Variants in MAGI2 observed in about 807,000 individuals in gnomAD.
MAGI2 encodes the protein membrane associated guanylate kinase, WW and PDZ domain containing 2.
Under a neutral mutation model 133.3 loss-of-function variants are expected in MAGI2, and 35 were observed. That is an observed-to-expected ratio of 0.26 (90% CI 0.20 to 0.35). The LOEUF is 0.35. MAGI2 is among the 10% of genes least tolerant of loss of function. The pLI, the probability that MAGI2 is intolerant of heterozygous loss-of-function variation, is 1.00. For missense variants in MAGI2, 1,636 were observed against 1,863.4 expected, an observed-to-expected ratio of 0.88 and a Z score of 2.25; for synonymous variants, 729 against 710.6, an observed-to-expected ratio of 1.03 and a Z score of -0.41.
At chr7:78,656,683 T>C (rs1469160796) in intron 2 of MAGI2, among the ~76,000 whole-genome samples, 1 of 152,142 alleles carries the variant, frequency 6.6e-6, no homozygotes, top group East Asian at 1.9e-4. Flanking sequence ...AGCAAGGAGA[T>C]GAACATATTT....
chr7:78,522,454 C>A (rs1796586321), intron 3 of MAGI2, among the ~76,000 whole-genome samples: 1 of 152,216 alleles, frequency 6.6e-6, no homozygotes, highest in Non-Finnish European at 1.5e-5. Context: ...TCTTGGCGGA[C>A]TGATACCTCC....
chr7:78,030,890 A>G (rs1228388465), intron 21 of MAGI2, among the ~76,000 whole-genome samples: 2 of 152,230 alleles, frequency 1.3e-5, no homozygotes, highest in African/African-American at 2.4e-5. Flanking sequence ...TGAGTGAAAT[A>G]AAAACTGTGT....
chr7:79,417,916 C>A (rs1374113513), intron 1 of MAGI2, among the ~76,000 whole-genome samples: 1 of 151,998 alleles, frequency 6.6e-6, no homozygotes. Flanking sequence ...ATCAAAAATT[C>A]TAGGTAGCAA....
At chr7:78,882,224 A>G (rs1156997841) in intron 2 of MAGI2, among the ~76,000 whole-genome samples, 1 of 151,660 alleles carries the variant, frequency 6.6e-6, no homozygotes, top group African/African-American at 2.4e-5. Context: ...AATCTCAAGG[A>G]CTGTTATGAA....
At chr7:79,191,402 CTTTT>C (rs71095386) in intron 1 of MAGI2, among the ~76,000 whole-genome samples, 81 of 22,250 alleles carry the variant, frequency 3.6e-3, no homozygotes, top group African/African-American at 0.01. Flanking sequence ...CTTTTTCTTT[CTTTT>C]TTTTTTTTTT....
chr7:78,528,261 G>A (rs548723348), intron 3 of MAGI2, among the ~76,000 whole-genome samples: 12 of 152,126 alleles, frequency 7.9e-5, no homozygotes, highest in South Asian at 4.2e-4. Flanking sequence ...TGACTCTGAC[G>A]TTAAACAGAG....
intron 2 of MAGI2, among the ~76,000 whole-genome samples, chr7:78,689,760 T>G (rs981925828): frequency 1.4e-5 from 2 of 142,406 alleles, no homozygotes; most frequent in African/African-American, 2.6e-5. Flanking sequence ...TATCAGTAAT[T>G]CATTCCCTTT....
At chr7:78,781,095 A>C (rs967675782) in intron 2 of MAGI2, among the ~76,000 whole-genome samples, 36 of 152,278 alleles carry the variant, frequency 2.4e-4, no homozygotes, top group Admixed American at 8.5e-4. Flanking sequence ...CAGCAGAGGG[A>C]TGGCCGGGCA....
rs117609722 is a variant in MAGI2 at position 78,029,796 on chromosome 7, C to T, written c.3707-9820G>A. Reference sequence around the variant, plus strand: ...GAAAGGCAAGGAAGTCAGAGATTTGCTCACTAGCCTGTGTTTTTAAGTATT... The same window carrying T: ...GAAAGGCAAGGAAGTCAGAGATTTGTTCACTAGCCTGTGTTTTTAAGTATT... On this transcript the variant is annotated intron_variant, in intron 21 of 21. Transcript: ENST00000354212. Among the ~76,000 whole-genome samples the T allele has an allele frequency of 5.0e-3, 760 of 152,344 alleles. 7 individuals are homozygous for T. Among genetic ancestry groups the T allele is most frequent in the Non-Finnish European group, 8.4e-3 (569 of 68,038 alleles).
At chr7:78,056,423 G>C (rs552570351) in intron 21 of MAGI2, among the ~76,000 whole-genome samples, 3 of 152,230 alleles carry the variant, frequency 2.0e-5, no homozygotes, top group Non-Finnish European at 4.4e-5. Flanking sequence ...CAGCCTAAAT[G>C]CCCATCAATG....
chr7:78,860,059 G>A (rs368526732), intron 2 of MAGI2, among the ~76,000 whole-genome samples: 89 of 152,232 alleles, frequency 5.8e-4, no homozygotes, highest in African/African-American at 1.9e-3. Context: ...CATATGTCAC[G>A]TAGTTCTCGT....
At chr7:79,184,031 G>A (rs1826850706) in intron 1 of MAGI2, among the ~76,000 whole-genome samples, 1 of 151,630 alleles carries the variant, frequency 6.6e-6, no homozygotes, top group Non-Finnish European at 1.5e-5. Context: ...ACAATACAGA[G>A]TTCCAGTTAG....
At chr7:79,448,523 A>G (rs1312463347) in intron 1 of MAGI2, among the ~76,000 whole-genome samples, 1 of 152,072 alleles carries the variant, frequency 6.6e-6, no homozygotes. Flanking sequence ...CTTATCTAAT[A>G]TTCTTAAGGT....
At chr7:78,346,718 G>A (rs1158250350) in intron 7 of MAGI2, among the ~76,000 whole-genome samples, 1 of 152,186 alleles carries the variant, frequency 6.6e-6, no homozygotes, top group Non-Finnish European at 1.5e-5. Flanking sequence ...AGCAAACTGT[G>A]AATTTCTGTA....
intron 2 of MAGI2, among the ~76,000 whole-genome samples, chr7:78,797,820 C>A (rs1361224995): frequency 3.3e-5 from 5 of 152,048 alleles, no homozygotes; most frequent in Non-Finnish European, 7.4e-5. Flanking sequence ...AAAACTAGAA[C>A]CCTTAGAGAG....
chr7:79,337,066 C>T (rs1444390384), intron 1 of MAGI2, among the ~76,000 whole-genome samples: 1 of 151,504 alleles, frequency 6.6e-6, no homozygotes, highest in Non-Finnish European at 1.5e-5. Flanking sequence ...AATCATACTA[C>T]TATCTATATG....
At chr7:78,665,103 C>G (rs1380295030) in intron 2 of MAGI2, among the ~76,000 whole-genome samples, 4 of 152,078 alleles carry the variant, frequency 2.6e-5, no homozygotes, top group Admixed American at 1.3e-4. Flanking sequence ...ATTTTCAGCT[C>G]TTAAAAACAG....
At chr7:78,120,967 C>T (rs1054675897) in intron 20 of MAGI2, among the ~76,000 whole-genome samples, 3 of 135,524 alleles carry the variant, frequency 2.2e-5, no homozygotes, top group Non-Finnish European at 4.6e-5. Context: ...CGCCACTGCA[C>T]TCCAGCCTGG....
chr7:79,350,309 T>C (rs1490489714), intron 1 of MAGI2, among the ~76,000 whole-genome samples: 1 of 152,166 alleles, frequency 6.6e-6, no homozygotes, highest in East Asian at 1.9e-4. Flanking sequence ...TGTCTGGTAA[T>C]GATACAACAG....
Sources: gnomAD v4.1 joint callset for allele counts (sites outside exome capture counted in the v4.1 genomes callset) on GRCh38, gnomAD v4.1.1 for gene constraint, MANE v1.5 for transcripts, NCBI Gene and HGNC (gene_info 2026-07-23, HGNC 2026-07-21) for gene names.